The following CMTM4 variants were observed in gnomAD, a reference collection of about 807,000 sequenced individuals.
CMTM4 encodes the protein CKLF like MARVEL transmembrane domain containing 4.
A neutral mutation model predicts 19.0 loss-of-function variants in CMTM4; 8 were observed. The observed-to-expected ratio is 0.42, with a 90% CI of 0.25 to 0.76. The LOEUF is 0.76. Ranked by LOEUF, CMTM4 falls within the 30% of genes least tolerant of loss-of-function variation. The pLI, the probability that CMTM4 is intolerant of heterozygous loss-of-function variation, is 0.27. For synonymous variants in CMTM4, 106 were observed against 121.1 expected (o/e 0.88, Z 0.82); for missense variants, 228 against 290.2 (o/e 0.79, Z 1.56).
At chr16:66,693,375 A>G (rs1011916470) in intron 1 of CMTM4, among the ~76,000 whole-genome samples, 12 of 152,150 alleles carry the variant, frequency 7.9e-5, no homozygotes, top group African/African-American at 2.9e-4. Context: ...CCCCCACCTC[A>G]GCTTCCTGAT....
At position 66,621,725 on chromosome 16, in the gene CMTM4, C is replaced by A; in HGVS notation, c.*333G>T. The A allele has an allele frequency of 9.0e-7, 1 of 1,110,782 alleles. No individual in the cohort carries two copies. Among genetic ancestry groups the A allele is most frequent in the East Asian group, 5.6e-5 (1 of 17,712 alleles). The allele number at this position is 1,110,782 out of a possible 1,614,324, so 68.8% of individuals were successfully genotyped here. A position where few individuals can be genotyped will look rare whatever the true frequency, so the allele number is the denominator to read the frequency against. On this transcript the variant is annotated 3_prime_UTR_variant, in exon 4 of 4. Coordinates refer to ENST00000394106, the MANE Select transcript of CMTM4 (RefSeq NM_181521.3). Reference sequence around the variant, plus strand: ...TTCCTTCATATTTCCCCCCTCTTAGCAGCCCCATTTAATCCAAAGTCTTGT... The same window carrying A: ...TTCCTTCATATTTCCCCCCTCTTAGAAGCCCCATTTAATCCAAAGTCTTGT...
At chr16:66,663,503 A>ACGT (rs2016535609) in intron 1 of CMTM4, among the ~76,000 whole-genome samples, 1 of 128,078 alleles carries the variant, frequency 7.8e-6, no homozygotes, top group South Asian at 2.6e-4. Flanking sequence ...TTTGGATACT[A>ACGT]CGTTCTATGG....
At chr16:66,683,165 ATATATATATACATATG>A (rs1361481949) in intron 1 of CMTM4, among the ~76,000 whole-genome samples, 5,996 of 104,496 alleles carry the variant, frequency 0.057, 283 homozygotes, top group Admixed American at 0.15. Flanking sequence ...ATATACGTAT[ATATATATATACATATG>A]TATATATATA....
At chr16:66,669,457 A>G (rs148279214) in intron 1 of CMTM4, among the ~76,000 whole-genome samples, 2,060 of 150,958 alleles carry the variant, frequency 0.014, 25 homozygotes, top group Non-Finnish European at 0.022. Context: ...TCAATTTACT[A>G]CATGTTAATT....
chr16:66,665,243 T>C (rs868126930), intron 1 of CMTM4, among the ~76,000 whole-genome samples: 1 of 123,980 alleles, frequency 8.1e-6, no homozygotes, highest in Non-Finnish European at 1.6e-5. Flanking sequence ...CCACCATGCC[T>C]GGCCAAGACC....
At chr16:66,641,091 A>AG (rs772550809) in intron 1 of CMTM4, among the ~76,000 whole-genome samples, 1 of 152,188 alleles carries the variant, frequency 6.6e-6, no homozygotes, top group Non-Finnish European at 1.5e-5. Context: ...TCTGTCACCC[A>AG]GGGGGTGCAG....
In CMTM4 at chr16:66,621,900, GCCCA is replaced by G; in HGVS notation, c.*154_*157del. 1 of 1,431,698 alleles carries G rather than the reference GCCCA, an allele frequency of 7.0e-7. No homozygotes were observed. Among genetic ancestry groups the G allele is most frequent in the Non-Finnish European group, 9.1e-7 (1 of 1,095,208 alleles). The allele number at this position is 1,431,698 out of a possible 1,614,324, so 88.7% of individuals were successfully genotyped here. On this transcript the variant is annotated 3_prime_UTR_variant, in exon 4 of 4. Coordinates refer to ENST00000394106, the MANE Select transcript of CMTM4 (RefSeq NM_181521.3). ...GGCCTCCCAACTCCACCGCGGACCC[GCCCA>G]CTGGGCCACTCGGGAAACCCTTTCC... is the stretch of plus-strand genomic sequence containing the variant.
chr16:66,654,360 G>C (rs72790476), intron 1 of CMTM4, among the ~76,000 whole-genome samples: 6,522 of 152,076 alleles, frequency 0.043, 262 homozygotes, highest in East Asian at 0.15. Flanking sequence ...GCTCCCCCTT[G>C]CCATCCTGCC....
In CMTM4 at chr16:66,620,029, G is replaced by A. The variant is rs2015600665; in HGVS notation, c.*2029C>T. 2 of 985,342 alleles carry A rather than the reference G, an allele frequency of 2.0e-6. No homozygotes were observed. Among genetic ancestry groups the A allele is most frequent in the South Asian group, 4.7e-5 (1 of 21,290 alleles). The allele number at this position is 985,342 out of a possible 1,614,324, so 61.0% of individuals were successfully genotyped here. A position where few individuals can be genotyped will look rare whatever the true frequency, so the allele number is the denominator to read the frequency against. On this transcript the variant is annotated 3_prime_UTR_variant, in exon 4 of 4. Coordinates refer to ENST00000394106, the MANE Select transcript of CMTM4 (RefSeq NM_181521.3). ...CAGATGATCAAGTGGTTTTACTGAA[G>A]TGAGCTGGGAAAACTTGGGCAACAA...
chr16:66,654,696 C>T (rs1161096271), intron 1 of CMTM4, among the ~76,000 whole-genome samples: 2 of 152,200 alleles, frequency 1.3e-5, no homozygotes, highest in Non-Finnish European at 2.9e-5. Flanking sequence ...ACCCTGGGCA[C>T]ATTTACTTCT....
chr16:66,605,126 A>C, the CMTM4 span: 3 of 525,076 alleles, frequency 5.7e-6, no homozygotes, highest in Non-Finnish European at 9.1e-6. This position sits in a 1 kb window ranked among gnomAD's most constrained non-coding sequence, Gnocchi z 4.6. Context: ...GAGGTCCCCA[A>C]ACTTTGGACG....
chr16:66,604,854 G>C, the CMTM4 span: 1 of 1,369,854 alleles, frequency 7.3e-7, no homozygotes, highest in Non-Finnish European at 9.4e-7. Flanking sequence ...GCCTGCCGGC[G>C]GCTCCCGTCC....
At chr16:66,637,265 C>G (rs1455579689) in intron 1 of CMTM4, among the ~76,000 whole-genome samples, 2 of 152,164 alleles carry the variant, frequency 1.3e-5, no homozygotes, top group African/African-American at 4.8e-5. Context: ...AATTTCTAGG[C>G]TGGGCACGGG....
chr16:66,628,321 G>C (rs895387143), intron 2 of CMTM4, among the ~76,000 whole-genome samples: 1 of 152,188 alleles, frequency 6.6e-6, no homozygotes, highest in African/African-American at 2.4e-5. Flanking sequence ...GTGTCGGGCT[G>C]GGGGACGGTC....
the CMTM4 span, chr16:66,609,411 G>A: frequency 1.2e-6 from 2 of 1,602,532 alleles, no homozygotes; most frequent in South Asian, 1.1e-5. This position sits in a 1 kb window ranked among gnomAD's most constrained non-coding sequence, Gnocchi z 4.4. Context: ...AGGGGCTCAG[G>A]GCAGCATGCC....
chr16:66,651,189 G>A (rs569387651), intron 1 of CMTM4, among the ~76,000 whole-genome samples: 18 of 152,218 alleles, frequency 1.2e-4, no homozygotes, highest in African/African-American at 3.9e-4. Context: ...CAACCAACAG[G>A]GGATGTTAAG....
chr16:66,625,348 C>T (rs998368205), intron 2 of CMTM4, among the ~76,000 whole-genome samples: 3 of 151,486 alleles, frequency 2.0e-5, no homozygotes, highest in Admixed American at 6.6e-5. Context: ...GCAGGAGAAT[C>T]GCTGGAACCC....
At chr16:66,612,028 C>T (rs117307483), downstream of CMTM4, among the ~76,000 whole-genome samples, 329 of 152,226 alleles carry the variant, frequency 2.2e-3, 7 homozygotes, top group East Asian at 0.058. This position sits in a 1 kb window ranked among gnomAD's most constrained non-coding sequence, Gnocchi z 6.0. Context: ...AGGGAGACTC[C>T]GGAGGGGCTG....
chr16:66,669,551 A>ATT (rs200342684), intron 1 of CMTM4, among the ~76,000 whole-genome samples: 7 of 148,606 alleles, frequency 4.7e-5, no homozygotes, highest in African/African-American at 7.4e-5. Flanking sequence ...CATTTGCTGG[A>ATT]TTTTTTTTTT....
Sources: allele counts gnomAD v4.1 joint callset (sites outside exome capture counted in the v4.1 genomes callset), GRCh38; gene constraint gnomAD v4.1.1; non-coding constraint Gnocchi (gnomAD v3.1); transcripts MANE v1.5; gene names NCBI Gene and HGNC (gene_info 2026-07-23, HGNC 2026-07-21).